Variants in KLF6 observed in about 807,000 individuals in gnomAD.
KLF6 encodes the protein KLF transcription factor 6, also known as Krueppel-like factor 6.
For missense variants in KLF6, 233 were observed against 359.8 expected (o/e 0.65, Z 2.85); for synonymous variants, 152 against 147.9 (o/e 1.03, Z -0.20).
chr10:3,779,712 C>A (rs1423432015), intron 3 of KLF6, 122 bp from the exon 4 acceptor site: 3 of 874,516 alleles, frequency 3.4e-6, no homozygotes, highest in Non-Finnish European at 5.7e-6. Context: ...AGGTGGGATT[C>A]TCCTCCCAAG....
chr10:3,779,011 T>C lies in KLF6; in HGVS notation c.*528A>G, dbSNP rs981288837. On this transcript the variant is annotated 3_prime_UTR_variant, in exon 4 of 4. Coordinates refer to ENST00000497571, the MANE Select transcript of KLF6 (RefSeq NM_001300.6). ...GAGTTCCCACGCCCACCCTCCAAGA[T>C]TTTCCTTCTTTTTTTGTTTTTGTTT... is the stretch of plus-strand genomic sequence containing the variant. 2.1e-5 allele frequency: 11 copies of C among 529,052 alleles called. No individual in the cohort carries two copies. The highest frequency in any genetic ancestry group is 3.6e-5 in the Non-Finnish European group (10 of 274,510). The allele number at this position is 529,052 out of a possible 1,614,324, so 32.8% of individuals were successfully genotyped here.
In KLF6 at chr10:3,782,009, C is replaced by T; in HGVS notation, c.308G>A (p.Ser103Asn). ...PSFCYNLETNSLNSDVSSESS... is the reference protein window; with the variant it reads ...PSFCYNLETNNLNSDVSSESS... ...TTCGCTGCTGACATCTGAGTTCAGG[C>T]TGTTGGTCTCTAAGTTGTAACAAAA... Residue 103 changes from serine (S) to asparagine (N), a missense_variant, in exon 2 of 4, where the codon AGC becomes AAC. Physicochemically the swap from Ser to Asn is conservative, Grantham distance 46. Transcript: ENST00000497571. The surrounding 1 kb of genome is among the most constrained non-coding windows in gnomAD (Gnocchi z 4.3). The T allele has an allele frequency of 6.2e-7, 1 of 1,614,202 alleles. No homozygotes were observed. The highest frequency in any genetic ancestry group is 8.5e-7 in the Non-Finnish European group (1 of 1,180,022).
rs140904073 is a variant in KLF6, at chr10:3,781,415, T to A, written c.676+226A>T. The A allele has an allele frequency of 9.7e-3, 14,514 of 1,502,866 alleles. 109 individuals are homozygous for A. The highest frequency in any genetic ancestry group is 0.012 in the Non-Finnish European group (13,226 of 1,124,296). 93.1% of individuals were successfully genotyped at this position (1,502,866 alleles called of 1,614,324 possible). ...AGAAAAGGATCTAGTCTCTTGTTTG[T>A]TTAATCTGAAAATTGTTACACATTT... On this transcript the variant is annotated intron_variant, in intron 2 of 3. Coordinates refer to ENST00000497571, the MANE Select transcript of KLF6 (RefSeq NM_001300.6). The surrounding 1 kb of genome is among the most constrained non-coding windows in gnomAD (Gnocchi z 5.8).
Position 3,779,527 on chromosome 10 carries a change from C to T in KLF6, c.*12G>A, listed in dbSNP as rs185306584. 417 of 1,612,578 alleles carry T rather than the reference C, an allele frequency of 2.6e-4. 1 individual carries two copies. In the African/African-American group the frequency reaches 5.0e-3, roughly 19 times the overall value. On this transcript the variant is annotated 3_prime_UTR_variant, in exon 4 of 4. Transcript: ENST00000497571. ...AAGCCTTTTAGCCTACAGGATCCACCTCTCTGCTCCCTCAGAGGTGCCTCT... is the reference window on the plus strand; with the variant it reads ...AAGCCTTTTAGCCTACAGGATCCACTTCTCTGCTCCCTCAGAGGTGCCTCT...
chr10:3,782,024 T>C lies in KLF6; in HGVS notation c.293A>G (p.Asn98Ser). ...DTLISPSFCY[N>S]LETNSLNSDV... Reference sequence around the variant, plus strand: ...TGAGTTCAGGCTGTTGGTCTCTAAGTTGTAACAAAAGCTCGGGCTGATGAG... The same window carrying C: ...TGAGTTCAGGCTGTTGGTCTCTAAGCTGTAACAAAAGCTCGGGCTGATGAG... The change falls in exon 2 of 4, where the codon AAC becomes AGC. Residue 98 changes from asparagine to serine, a missense_variant. By Grantham distance (46) the Asn-to-Ser change is conservative. Coordinates refer to ENST00000497571, the MANE Select transcript of KLF6 (RefSeq NM_001300.6). This position sits in a 1 kb window ranked among gnomAD's most constrained non-coding sequence, Gnocchi z 4.3. The C allele has an allele frequency of 6.2e-7, 1 of 1,614,140 alleles. No homozygotes were observed. The highest frequency in any genetic ancestry group is 1.3e-5 in the African/African-American group (1 of 75,038).
chr10:3,777,420 C>A lies in KLF6; in HGVS notation c.*2119G>T, dbSNP rs1300136488. 2 of 510,616 alleles carry A rather than the reference C, an allele frequency of 3.9e-6. No individual in the cohort carries two copies. Among genetic ancestry groups the A allele is most frequent in the Non-Finnish European group, 7.7e-6 (2 of 261,242 alleles). 31.6% of individuals were successfully genotyped at this position (510,616 alleles called of 1,614,324 possible). A position where few individuals can be genotyped will look rare whatever the true frequency, so the allele number is the denominator to read the frequency against. ...TGGTTAGCTTACTCTTAGGTTAGAT[C>A]TTCTAATAAGGCTGAAATTCAAAAT... On this transcript the variant is annotated 3_prime_UTR_variant, in exon 4 of 4. Coordinates refer to ENST00000497571, the MANE Select transcript of KLF6 (RefSeq NM_001300.6).
chr10:3,782,130 G>T lies in KLF6; in HGVS notation c.187C>A (p.Leu63Met), dbSNP rs778831293. Reference protein sequence around the residue: ...SEIKFDSQEDLWTKIILAREK... With the variant: ...SEIKFDSQEDMWTKIILAREK... Reference sequence around the variant, plus strand: ...CGAGCCAGAATGATTTTGGTCCACAGATCTTCCTGGCTGTCAAATTTGATT... The same window carrying T: ...CGAGCCAGAATGATTTTGGTCCACATATCTTCCTGGCTGTCAAATTTGATT... The change falls in exon 2 of 4, where the codon CTG becomes ATG. Residue 63 changes from leucine (L) to methionine (M), a missense_variant. Physicochemically the swap from Leu to Met is conservative, Grantham distance 15. Coordinates refer to ENST00000497571, the MANE Select transcript of KLF6 (RefSeq NM_001300.6). The surrounding 1 kb of genome is among the most constrained non-coding windows in gnomAD (Gnocchi z 4.3). 1 of 1,613,982 alleles carries T rather than the reference G, an allele frequency of 6.2e-7. No homozygotes were observed. The highest frequency in any genetic ancestry group is 1.1e-5 in the South Asian group (1 of 91,082).
At position 3,779,392 on chromosome 10, in the gene KLF6, C is replaced by T. The variant is rs1832472014; in HGVS notation, c.*147G>A. 1.4e-6 allele frequency: 1 copy of T among 734,948 alleles called. No individual in the cohort carries two copies. Among genetic ancestry groups the T allele is most frequent in the Non-Finnish European group, 2.4e-6 (1 of 408,240 alleles). 45.5% of individuals were successfully genotyped at this position (734,948 alleles called of 1,614,324 possible). On this transcript the variant is annotated 3_prime_UTR_variant, in exon 4 of 4. Transcript: ENST00000497571. Reference sequence around the variant, plus strand: ...CCGCTTCTTACAGGACCTTTTTAGCCCTCAAAAGACCTTCCAAGGAGAGGC... The same window carrying T: ...CCGCTTCTTACAGGACCTTTTTAGCTCTCAAAAGACCTTCCAAGGAGAGGC...
Position 3,778,146 on chromosome 10 carries a change from T to C in KLF6, c.*1393A>G, listed in dbSNP as rs752697477. On this transcript the variant is annotated 3_prime_UTR_variant, in exon 4 of 4. Coordinates refer to ENST00000497571, the MANE Select transcript of KLF6 (RefSeq NM_001300.6). Reference sequence around the variant, plus strand: ...TGTAAAGGGAGTTTCACTCTATGTCTTTGTGAAGGAGGACCTTAAAGAGAT... The same window carrying C: ...TGTAAAGGGAGTTTCACTCTATGTCCTTGTGAAGGAGGACCTTAAAGAGAT... 1.9e-6 allele frequency: 1 copy of C among 520,090 alleles called. No homozygotes were observed. The highest frequency in any genetic ancestry group is 1.5e-5 in the South Asian group (1 of 65,050). The allele number at this position is 520,090 out of a possible 1,614,324, so 32.2% of individuals were successfully genotyped here. A position where few individuals can be genotyped will look rare whatever the true frequency, so the allele number is the denominator to read the frequency against.
chr10:3,778,239 A>C lies in KLF6; in HGVS notation c.*1300T>G, dbSNP rs1832440127. On this transcript the variant is annotated 3_prime_UTR_variant, in exon 4 of 4. Coordinates refer to ENST00000497571, the MANE Select transcript of KLF6 (RefSeq NM_001300.6). ...AAACAAGAGCCTTAATAAAGCATGCATCGCCCACACCCCTGTATGAGACCC... is the reference window on the plus strand; with the variant it reads ...AAACAAGAGCCTTAATAAAGCATGCCTCGCCCACACCCCTGTATGAGACCC... The C allele has an allele frequency of 3.8e-6, 2 of 526,774 alleles. No homozygotes were observed. Among genetic ancestry groups the C allele is most frequent in the South Asian group, 3.1e-5 (2 of 65,126 alleles). The allele number at this position is 526,774 out of a possible 1,614,324, so 32.6% of individuals were successfully genotyped here.
At chr10:3,784,759 G>C (rs1461849617) in intron 1 of KLF6, among the ~76,000 whole-genome samples, 154 bp downstream of exon 1, 1 of 152,184 alleles carries the variant, frequency 6.6e-6, no homozygotes, top group East Asian at 1.9e-4. Context: ...TCGCAGCCTG[G>C]AGGATCGATC....
Position 3,777,527 on chromosome 10 carries a change from C to A in KLF6, c.*2012G>T. The stretch of plus-strand genomic sequence containing the variant: ...TCTGAACGGCCGAAGGTGCCCCATT[C>A]CAGACCTGCCCATTTGATGGACAGA... On this transcript the variant is annotated 3_prime_UTR_variant, in exon 4 of 4. Transcript: ENST00000497571. 2.0e-6 allele frequency: 1 copy of A among 511,362 alleles called. No individual in the cohort carries two copies. The highest frequency in any genetic ancestry group is 1.5e-5 in the South Asian group (1 of 64,988). The allele number at this position is 511,362 out of a possible 1,614,324, so 31.7% of individuals were successfully genotyped here.
intron 3 of KLF6, 84 bp from the exon 4 acceptor site, chr10:3,779,674 C>G: frequency 8.2e-7 from 1 of 1,224,006 alleles, no homozygotes; most frequent in Non-Finnish European, 1.2e-6. Context: ...ACCTCCCTGC[C>G]CTGCCCAGCC....
chr10:3,779,708 G>A lies in KLF6; in HGVS notation c.801-118C>T, dbSNP rs988225881. 17 of 899,786 alleles carry A rather than the reference G, an allele frequency of 1.9e-5. No homozygotes were observed. The African/African-American group carries it at 2.0e-4, about 10-fold the overall frequency. The allele number at this position is 899,786 out of a possible 1,614,324, so 55.7% of individuals were successfully genotyped here. On this transcript the variant is annotated intron_variant, in intron 3 of 3. Transcript: ENST00000497571. Reference sequence around the variant, plus strand: ...CCTAACCCCCTGCAGGGAAAGGTGGGATTCTCCTCCCAAGCCTCATCAGTG... The same window carrying A: ...CCTAACCCCCTGCAGGGAAAGGTGGAATTCTCCTCCCAAGCCTCATCAGTG...
intron 1 of KLF6, among the ~76,000 whole-genome samples, 191 bp downstream of exon 1, chr10:3,784,722 G>A (rs548931316): frequency 1.2e-3 from 182 of 152,340 alleles, no homozygotes; most frequent in South Asian, 2.1e-3. Flanking sequence ...TGTGCCGGGA[G>A]TTGGGGCTTC....
At position 3,777,552 on chromosome 10, in the gene KLF6, A is replaced by G; in HGVS notation, c.*1987T>C. 2.0e-6 allele frequency: 1 copy of G among 511,486 alleles called. No homozygotes were observed. The highest frequency in any genetic ancestry group is 2.3e-5 in the Admixed American group (1 of 44,220). The allele number at this position is 511,486 out of a possible 1,614,324, so 31.7% of individuals were successfully genotyped here. On this transcript the variant is annotated 3_prime_UTR_variant, in exon 4 of 4. Coordinates refer to ENST00000497571, the MANE Select transcript of KLF6 (RefSeq NM_001300.6). ...CCAGACCTGCCCATTTGATGGACAG[A>G]GCAGACAGCCCGGAACAGATTCAAG...
chr10:3,780,370 C>T lies in KLF6; in HGVS notation c.677-141G>A. 3 of 980,542 alleles carry T rather than the reference C, an allele frequency of 3.1e-6. No homozygotes were observed. The highest frequency in any genetic ancestry group is 4.8e-6 in the Non-Finnish European group (3 of 622,650). The allele number at this position is 980,542 out of a possible 1,614,324, so 60.7% of individuals were successfully genotyped here. A position where few individuals can be genotyped will look rare whatever the true frequency, so the allele number is the denominator to read the frequency against. ...GGCATCGGTAACACACAACAACTGG[C>T]AGCCTCAGAGAGACAACAGCAGCTC... On this transcript the variant is annotated intron_variant, in intron 2 of 3. Transcript: ENST00000497571. This position sits in a 1 kb window ranked among gnomAD's most constrained non-coding sequence, Gnocchi z 4.6.
Position 3,778,915 on chromosome 10 carries a change from A to G in KLF6, c.*624T>C, listed in dbSNP as rs1268044667. The G allele has an allele frequency of 3.7e-6, 2 of 534,696 alleles. No individual in the cohort carries two copies. Among genetic ancestry groups the G allele is most frequent in the South Asian group, 1.5e-5 (1 of 65,182 alleles). The allele number at this position is 534,696 out of a possible 1,614,324, so 33.1% of individuals were successfully genotyped here. On this transcript the variant is annotated 3_prime_UTR_variant, in exon 4 of 4. Transcript: ENST00000497571. ...CATTTAATAGCTGCACCAGACACTA[A>G]GAGTTCCTCTCACACAGAAAAGGGG... is the stretch of plus-strand genomic sequence containing the variant.
Position 3,780,100 on chromosome 10 carries a change from A to G in KLF6, c.800+6T>C, listed in dbSNP as rs745335419. On this transcript the variant is annotated splice_donor_region_variant and intron_variant, in intron 3 of 3. Transcript: ENST00000497571. The surrounding 1 kb of genome is among the most constrained non-coding windows in gnomAD (Gnocchi z 4.6). ...TCCTTGCCCAGCATTGTCCTCAGGCACGTACCTGTCACAGTGGGAGCATTT... is the reference window on the plus strand; with the variant it reads ...TCCTTGCCCAGCATTGTCCTCAGGCGCGTACCTGTCACAGTGGGAGCATTT... 3.1e-6 allele frequency: 5 copies of G among 1,614,034 alleles called. No individual in the cohort carries two copies. The highest frequency in any genetic ancestry group is 1.6e-4 in the Middle Eastern group (1 of 6,084).
Sources: gnomAD v4.1 joint callset for allele counts (sites outside exome capture counted in the v4.1 genomes callset) on GRCh38, gnomAD v4.1.1 for gene constraint, Gnocchi (gnomAD v3.1) non-coding constraint, MANE v1.5 for transcripts, NCBI Gene and HGNC (gene_info 2026-07-23, HGNC 2026-07-21) for gene names.